The following CFAP65 variants were observed in gnomAD, a reference collection of about 807,000 sequenced individuals.
The protein encoded by CFAP65 is cilia- and flagella-associated protein 65.
Under a neutral mutation model 208.0 loss-of-function variants are expected in CFAP65, and 155 were observed. The observed-to-expected ratio is 0.75, with a 90% CI of 0.65 to 0.85. The LOEUF is 0.85. Ranked by LOEUF, CFAP65 falls within the 40% of genes least tolerant of loss-of-function variation. The pLI is 0.00. For synonymous variants in CFAP65, 970 were observed against 986.3 expected, an observed-to-expected ratio of 0.98 and a Z score of 0.31; for missense variants, 2,294 against 2,451.3, an observed-to-expected ratio of 0.94 and a Z score of 1.36.
Position 219,021,871 on chromosome 2 carries a change from G to T in CFAP65, c.3039C>A (p.Phe1013Leu), listed in dbSNP as rs770600051. 1 of 1,613,854 alleles carries T rather than the reference G, an allele frequency of 6.2e-7. No homozygotes were observed. The highest frequency in any genetic ancestry group is 1.7e-4 in the Middle Eastern group (1 of 6,060). The change falls in exon 18 of 35, where the codon TTC (phenylalanine) becomes TTA (leucine). Residue 1013 changes from phenylalanine (F) to leucine (L), a missense_variant. By Grantham distance (22) the Phe-to-Leu change is conservative. This residue lies in a region of CFAP65 where 1,427 missense variants were observed against 1,438.7 expected (regional missense o/e 0.99). Coordinates refer to ENST00000341552, the MANE Select transcript of CFAP65 (RefSeq NM_194302.4). The stretch of plus-strand genomic sequence containing the variant: ...AGTTGCCGTCATTCAGGAGGACAAG[G>T]AACCTGGACTGCTTGCTGTTCACCA... ...NVLVNSKQSRFLVLLNDGNCT... is the reference protein window; with the variant it reads ...NVLVNSKQSRLLVLLNDGNCT...
chr2:219,030,845 G>T lies in CFAP65; in HGVS notation c.1016-11C>A. 1 of 1,611,940 alleles carries T rather than the reference G, an allele frequency of 6.2e-7. No individual in the cohort carries two copies. The highest frequency in any genetic ancestry group is 8.5e-7 in the Non-Finnish European group (1 of 1,178,626). On this transcript the variant is annotated splice_polypyrimidine_tract_variant and intron_variant, in intron 8 of 34. Coordinates refer to ENST00000341552, the MANE Select transcript of CFAP65 (RefSeq NM_194302.4). ...GCTGGGCGCACTTGGCTGGGGCAGA[G>T]ATGGGGGAGTCTTGGGGGAACCCAC...
Position 219,009,328 on chromosome 2 carries a change from C to T in CFAP65, c.4566+19G>A. ...GAGCCATGCCTCCATCCCACTTTAC[C>T]CCTGGGGCTGGTTCCTACCTTGCAT... is the stretch of plus-strand genomic sequence containing the variant. On this transcript the variant is annotated intron_variant, in intron 28 of 34. Coordinates refer to ENST00000341552, the MANE Select transcript of CFAP65 (RefSeq NM_194302.4). 1 of 1,588,006 alleles carries T rather than the reference C, an allele frequency of 6.3e-7. No individual in the cohort carries two copies. The highest frequency in any genetic ancestry group is 8.6e-7 in the Non-Finnish European group (1 of 1,157,436).
At position 219,030,852 on chromosome 2, in the gene CFAP65, G is replaced by C. The variant is rs1411279422; in HGVS notation, c.1016-18C>G. 6.2e-7 allele frequency: 1 copy of C among 1,609,626 alleles called. No individual in the cohort carries two copies. The highest frequency in any genetic ancestry group is 8.5e-7 in the Non-Finnish European group (1 of 1,177,458). Reference sequence around the variant, plus strand: ...GCACTTGGCTGGGGCAGAGATGGGGGAGTCTTGGGGGAACCCACCAGGGCC... The same window carrying C: ...GCACTTGGCTGGGGCAGAGATGGGGCAGTCTTGGGGGAACCCACCAGGGCC... On this transcript the variant is annotated intron_variant, in intron 8 of 34. Coordinates refer to ENST00000341552, the MANE Select transcript of CFAP65 (RefSeq NM_194302.4).
chr2:219,005,940 G>C, intron 31 of CFAP65, 81 bp downstream of exon 31: 32 of 1,383,900 alleles, frequency 2.3e-5, no homozygotes, highest in Non-Finnish European at 3.1e-5. Context: ...ACCATGGGTT[G>C]GGTCTGGGCA....
Position 219,028,305 on chromosome 2 carries a change from G to T in CFAP65, c.1747C>A (p.Leu583Met), listed in dbSNP as rs779299996. ...PQHLTWYRTH[L>M]ARGLTLYPPD... ...GGGTAGAGCGTCAGGCCCCGGGCCA[G>T]GTGTGTGCGGTACCAGGTGAGGTGC... The change falls in exon 12 of 35, where the codon CTG becomes ATG. Residue 583 changes from leucine (L) to methionine (M), a missense_variant. Coordinates refer to ENST00000341552, the MANE Select transcript of CFAP65 (RefSeq NM_194302.4). 1.2e-6 allele frequency: 2 copies of T among 1,614,170 alleles called. No individual in the cohort carries two copies. Among genetic ancestry groups the T allele is most frequent in the South Asian group, 2.2e-5 (2 of 91,078 alleles).
At chr2:219,011,575 C>T (rs1325922287) in intron 24 of CFAP65, among the ~76,000 whole-genome samples, 1 of 152,112 alleles carries the variant, frequency 6.6e-6, no homozygotes, top group Non-Finnish European at 1.5e-5. Context: ...AGCCACTGCG[C>T]CTGGCCAAGG....
chr2:219,024,480 G>T (rs1387217533), intron 14 of CFAP65, among the ~76,000 whole-genome samples: 3 of 138,338 alleles, frequency 2.2e-5, no homozygotes, highest in Admixed American at 7.0e-5. Flanking sequence ...AGGGGCGGGG[G>T]GGGGGCAGGG....
chr2:219,039,164 C>T (rs1437821506), intron 2 of CFAP65, 114 bp from the exon 3 acceptor site: 4 of 930,592 alleles, frequency 4.3e-6, no homozygotes, highest in African/African-American at 3.3e-5. Context: ...TGTATATATG[C>T]CAGATGCTAT....
At position 219,021,829 on chromosome 2, in the gene CFAP65, G is replaced by A. The variant is rs1947283612; in HGVS notation, c.3081C>T (p.Arg1027=). Reference sequence around the variant, plus strand: ...CAGGGCTGCCCTGCTCCAGGTAGAGGCGGTAATAGAGGGTGCAGTTGCCGT... The same window carrying A: ...CAGGGCTGCCCTGCTCCAGGTAGAGACGGTAATAGAGGGTGCAGTTGCCGT... ...LNDGNCTLYY[R]LYLEQGSPEA... The change falls in exon 18 of 35, where the codon CGC becomes CGT. Residue 1027 remains arginine (R), a synonymous_variant. Transcript: ENST00000341552. 4 of 1,613,844 alleles carry A rather than the reference G, an allele frequency of 2.5e-6. No individual in the cohort carries two copies. The highest frequency in any genetic ancestry group is 3.4e-6 in the Non-Finnish European group (4 of 1,180,012).
At position 219,010,913 on chromosome 2, in the gene CFAP65, A is replaced by T. The variant is rs779067104; in HGVS notation, c.4041T>A (p.Asn1347Lys). ...GGCAGCAAAAGATGGGGTGATCAAA[A>T]TTTTTTTCCTGAACCTGTGACAGGA... ...TDVLSQVQEK[N>K]FDHPIFCCLN... Residue 1347 changes from asparagine (N) to lysine (K), a missense_variant, in exon 25 of 35, where the codon AAT becomes AAA. Physicochemically the swap from Asn to Lys is moderately conservative, Grantham distance 94. Coordinates refer to ENST00000341552, the MANE Select transcript of CFAP65 (RefSeq NM_194302.4). 11 of 1,613,690 alleles carry T rather than the reference A, an allele frequency of 6.8e-6. No individual in the cohort carries two copies. The highest frequency in any genetic ancestry group is 8.5e-6 in the Non-Finnish European group (10 of 1,180,010).
chr2:219,008,114 C>T (rs1384173601), intron 29 of CFAP65, among the ~76,000 whole-genome samples: 1 of 152,182 alleles, frequency 6.6e-6, no homozygotes, highest in African/African-American at 2.4e-5. Flanking sequence ...CCACCATGCC[C>T]AGCCTAGACT....
intron 4 of CFAP65, among the ~76,000 whole-genome samples, chr2:219,036,514 G>A (rs369300743): frequency 4.6e-5 from 7 of 151,340 alleles, no homozygotes; most frequent in East Asian, 1.9e-4. Flanking sequence ...GCACAATCTC[G>A]GCTCACTGCA....
intron 25 of CFAP65, 43 bp from the exon 26 acceptor site, chr2:219,010,747 G>A: frequency 6.3e-7 from 1 of 1,586,548 alleles, no homozygotes; most frequent in Non-Finnish European, 8.6e-7. Flanking sequence ...GTCAGAGGGA[G>A]GCCTGCTGAG....
chr2:219,007,845 C>T (rs566576409), intron 29 of CFAP65, among the ~76,000 whole-genome samples: 5 of 150,754 alleles, frequency 3.3e-5, no homozygotes, highest in Non-Finnish European at 5.9e-5. Context: ...GACAGAGTCT[C>T]GCTCGCTCTG....
At chr2:219,030,562 C>T (rs1386141640) in intron 9 of CFAP65, 127 bp downstream of exon 9, 1 of 1,277,872 alleles carries the variant, frequency 7.8e-7, no homozygotes, top group Non-Finnish European at 1.1e-6. Flanking sequence ...TGACAGCTGA[C>T]ATGGGTTACA....
chr2:219,040,752 G>T (rs1948613164), intron 1 of CFAP65, among the ~76,000 whole-genome samples, 188 bp from the exon 2 acceptor site: 1 of 152,194 alleles, frequency 6.6e-6, no homozygotes, highest in African/African-American at 2.4e-5. Context: ...AGAGATGATG[G>T]GGTAGAAAGC....
At position 219,024,074 on chromosome 2, in the gene CFAP65, TG is replaced by T. The variant is rs1419550714; in HGVS notation, c.2535del (p.Ser846AlafsTer22). ...QIILICTYPE[G>X]SSWKQHTFYL... is the part of the protein sequence containing the mutation. The stretch of plus-strand genomic sequence containing the variant: ...TAGAAAGTGTGCTGCTTCCAGGAGC[TG>T]CCCTCAGGGTAGGTGCAGATGAGGA... On this transcript the variant is annotated frameshift_variant, in exon 15 of 35. Coordinates refer to ENST00000341552, the MANE Select transcript of CFAP65 (RefSeq NM_194302.4). LOFTEE classifies it high-confidence loss of function. The T allele has an allele frequency of 6.2e-7, 1 of 1,613,950 alleles. No individual in the cohort carries two copies. Among genetic ancestry groups the T allele is most frequent in the African/African-American group, 1.3e-5 (1 of 74,942 alleles).
chr2:219,010,913 A>AT lies in CFAP65; in HGVS notation c.4040dup (p.Asn1347LysfsTer3), dbSNP rs1553521569. 22 of 1,613,808 alleles carry AT rather than the reference A, an allele frequency of 1.4e-5. No homozygotes were observed. Among genetic ancestry groups the AT allele is most frequent in the Non-Finnish European group, 1.9e-5 (22 of 1,180,002 alleles). On this transcript the variant is annotated frameshift_variant, in exon 25 of 35. Transcript: ENST00000341552. LOFTEE classifies it high-confidence loss of function. ...GGCAGCAAAAGATGGGGTGATCAAA[A>AT]TTTTTTTCCTGAACCTGTGACAGGA...
chr2:219,021,961 G>GCT, intron 17 of CFAP65, 31 bp from the exon 18 acceptor site: 1 of 1,611,420 alleles, frequency 6.2e-7, no homozygotes. Flanking sequence ...GCCGGGAGTG[G>GCT]GAGCTCCTCC....
Sources: gnomAD v4.1 joint callset for allele counts (sites outside exome capture counted in the v4.1 genomes callset) on GRCh38, gnomAD v4.1.1 for gene constraint, gnomAD v4.1.1 regional missense constraint, MANE v1.5 for transcripts, NCBI Gene and HGNC (gene_info 2026-07-23, HGNC 2026-07-21) for gene names.